PDE5A: variants seen among roughly 807,000 people sequenced by gnomAD.
PDE5A encodes the protein phosphodiesterase 5A.
In PDE5A, 67 loss-of-function variants were observed where a neutral mutation model predicts 110.2. The observed-to-expected ratio is 0.61, with a 90% CI of 0.50 to 0.75. The LOEUF (loss-of-function observed/expected upper bound fraction) is 0.75, where lower values mean the gene tolerates loss of function less well. PDE5A is among the 30% of genes least tolerant of loss of function. The pLI, the probability that PDE5A is intolerant of heterozygous loss-of-function variation, is 0.00. For missense variants in PDE5A, 862 were observed against 1,045.1 expected (o/e 0.82, Z 2.42); for synonymous variants, 328 against 351.2 (o/e 0.93, Z 0.74).
intron 3 of PDE5A, among the ~76,000 whole-genome samples, chr4:119,589,181 G>A (rs994862968): frequency 6.6e-6 from 1 of 151,950 alleles, no homozygotes; most frequent in Admixed American, 6.6e-5. Context: ...AGAAATTTCA[G>A]AGAAATAAGA....
At position 119,562,954 on chromosome 4, in the gene PDE5A, G is replaced by C. The variant is rs183868303; in HGVS notation, c.1010C>G (p.Ala337Gly). The stretch of plus-strand genomic sequence containing the variant: ...TTGTTGTTCTTCAAAAATTAAACTA[G>C]CAAGGTCAAGCAGCACCTAGACAAA... Reference protein sequence around the residue: ...NKRNQVLLDLASLIFEEQQSL... With the variant: ...NKRNQVLLDLGSLIFEEQQSL... Residue 337 changes from alanine to glycine, a missense_variant, in exon 6 of 21, where the codon GCT (alanine) becomes GGT (glycine). Ala to Gly is a moderately conservative substitution (Grantham distance 60). Coordinates refer to ENST00000354960, the MANE Select transcript of PDE5A (RefSeq NM_001083.4). 4 of 1,588,036 alleles carry C rather than the reference G, an allele frequency of 2.5e-6. No homozygotes were observed. The Admixed American group carries it at 5.6e-5, about 22-fold the overall frequency.
intron 19 of PDE5A, 120 bp downstream of exon 19, chr4:119,502,461 T>A (rs1028307105): frequency 1.2e-5 from 7 of 601,638 alleles, no homozygotes; most frequent in Non-Finnish European, 2.0e-5. Context: ...GAAAAAAGTT[T>A]TAAAAAATAA....
intron 6 of PDE5A, 69 bp from the exon 7 acceptor site, chr4:119,560,432 T>A: frequency 1.1e-6 from 1 of 930,688 alleles, no homozygotes; most frequent in Non-Finnish European, 1.6e-6. Flanking sequence ...GATACAGACA[T>A]ACATGCTATG....
At chr4:119,599,986 C>T in intron 2 of PDE5A, among the ~76,000 whole-genome samples, 1 of 152,046 alleles carries the variant, frequency 6.6e-6, no homozygotes, top group Non-Finnish European at 1.5e-5. Context: ...AAACTACTAT[C>T]AACTGATAGT....
chr4:119,505,071 C>G (rs112510183), intron 17 of PDE5A, among the ~76,000 whole-genome samples: 2 of 151,908 alleles, frequency 1.3e-5, no homozygotes, highest in Non-Finnish European at 2.9e-5. Flanking sequence ...AAATGAAAAG[C>G]CTTTGAATGA....
Position 119,609,109 on chromosome 4 carries a change from C to A in PDE5A, c.153-1812G>T, listed in dbSNP as rs531228671. Among the ~76,000 whole-genome samples, 400 of 151,928 alleles carry A rather than the reference C, an allele frequency of 2.6e-3. 1 individual carries two copies. The highest frequency in any genetic ancestry group is 9.3e-3 in the African/African-American group (385 of 41,434). On this transcript the variant is annotated intron_variant, in intron 1 of 20. Coordinates refer to ENST00000354960, the MANE Select transcript of PDE5A (RefSeq NM_001083.4). ...CCCAGGAGGCTGAGCTTGGAGTGAGCTGAGATCGCGCCATTGCACTCCAGC... is the reference window on the plus strand; with the variant it reads ...CCCAGGAGGCTGAGCTTGGAGTGAGATGAGATCGCGCCATTGCACTCCAGC...
intron 9 of PDE5A, among the ~76,000 whole-genome samples, chr4:119,547,555 TTAA>T (rs777708962): frequency 6.6e-6 from 1 of 152,012 alleles, no homozygotes; most frequent in Non-Finnish European, 1.5e-5. Flanking sequence ...TCATTATTTC[TTAA>T]TAATAATAAA....
At chr4:119,584,170 G>A (rs1038525563) in intron 3 of PDE5A, among the ~76,000 whole-genome samples, 1 of 152,174 alleles carries the variant, frequency 6.6e-6, no homozygotes, top group Non-Finnish European at 1.5e-5. Flanking sequence ...AAGTTCTCTT[G>A]TGGAAATATT....
intron 2 of PDE5A, among the ~76,000 whole-genome samples, chr4:119,600,529 A>G (rs1729308056): frequency 6.6e-6 from 1 of 152,264 alleles, no homozygotes; most frequent in Admixed American, 6.5e-5. Context: ...GGGCTAGGGC[A>G]CGGAAAGTGT....
intron 3 of PDE5A, among the ~76,000 whole-genome samples, chr4:119,581,488 A>G (rs892338370): frequency 3.9e-5 from 6 of 152,224 alleles, no homozygotes; most frequent in Non-Finnish European, 8.8e-5. Context: ...AGTCCTTCAT[A>G]TGGAGAACAT....
rs192903556 is a variant in PDE5A, at chr4:119,546,943, C to T, written c.1397-4309G>A. Among the ~76,000 whole-genome samples, 478 of 151,916 alleles carry T rather than the reference C, an allele frequency of 3.1e-3. 1 individual carries two copies. Among genetic ancestry groups the T allele is most frequent in the Non-Finnish European group, 5.6e-3 (383 of 67,870 alleles). ...TTTGATAATTAGGCTTCTTATAAAA[C>T]TCTTACTAGACAGGTACTTTCAGCT... is the stretch of plus-strand genomic sequence containing the variant. On this transcript the variant is annotated intron_variant, in intron 9 of 20. Coordinates refer to ENST00000354960, the MANE Select transcript of PDE5A (RefSeq NM_001083.4).
chr4:119,520,525 C>G (rs544022447), intron 13 of PDE5A, among the ~76,000 whole-genome samples: 1 of 152,198 alleles, frequency 6.6e-6, no homozygotes, highest in African/African-American at 2.4e-5. Flanking sequence ...AGACCCCTAA[C>G]TTATCAATGA....
chr4:119,549,900 G>A (rs186414505), intron 9 of PDE5A: 1 of 152,244 alleles, frequency 6.6e-6, no homozygotes, highest in East Asian at 1.9e-4. Context: ...CCATCTAAAT[G>A]TCAGTAATGG....
chr4:119,565,145 G>C (rs921272826), intron 5 of PDE5A, among the ~76,000 whole-genome samples, 176 bp downstream of exon 5: 2 of 151,910 alleles, frequency 1.3e-5, no homozygotes, highest in Non-Finnish European at 2.9e-5. Context: ...TGTCTAATAA[G>C]ATAAACAACT....
intron 11 of PDE5A, among the ~76,000 whole-genome samples, chr4:119,534,374 C>A (rs183640864): frequency 8.4e-4 from 128 of 152,168 alleles, no homozygotes; most frequent in Middle Eastern, 3.4e-3. Flanking sequence ...ATTAGATTCT[C>A]ATAGGAGCAT....
At chr4:119,533,001 GTT>G (rs1410876134) in intron 11 of PDE5A, among the ~76,000 whole-genome samples, 1 of 152,138 alleles carries the variant, frequency 6.6e-6, no homozygotes. Flanking sequence ...TATTCAGAAA[GTT>G]ATTTATTAAA....
At chr4:119,625,700 G>A (rs1345357778) in intron 1 of PDE5A, among the ~76,000 whole-genome samples, 3 of 151,684 alleles carry the variant, frequency 2.0e-5, no homozygotes, top group South Asian at 2.1e-4. Flanking sequence ...AAAAAGAGGG[G>A]AAAAGCAAAG....
rs1199778392 is a variant in PDE5A, at chr4:119,615,418, T to G, written c.153-8121A>C. On this transcript the variant is annotated intron_variant, in intron 1 of 20. Transcript: ENST00000354960. Reference sequence around the variant, plus strand: ...CTGGGTTAAGGAGCAATGGCTGTTATTTCCTCAAAAAGGTCAGCCAAGAGA... The same window carrying G: ...CTGGGTTAAGGAGCAATGGCTGTTAGTTCCTCAAAAAGGTCAGCCAAGAGA... Among the ~76,000 whole-genome samples, 3 of 152,050 alleles carry G rather than the reference T, an allele frequency of 2.0e-5. No individual in the cohort carries two copies. The East Asian group carries it at 5.8e-4, about 29-fold the overall frequency.
intron 14 of PDE5A, chr4:119,512,931 C>T (rs1725797613): frequency 6.6e-6 from 1 of 152,056 alleles, no homozygotes; most frequent in African/African-American, 2.4e-5. Flanking sequence ...GTGAGATCAT[C>T]CAGGGAGATG....
Sources: allele counts gnomAD v4.1 joint callset (sites outside exome capture counted in the v4.1 genomes callset), GRCh38; gene constraint gnomAD v4.1.1; transcripts MANE v1.5; gene names NCBI Gene and HGNC (gene_info 2026-07-23, HGNC 2026-07-21).